The following NKTR variants were observed in gnomAD, a reference collection of about 807,000 sequenced individuals.
NKTR encodes natural killer cell triggering receptor, also known as NK-tumor recognition protein.
A neutral mutation model predicts 156.3 loss-of-function variants in NKTR; 67 were observed. The ratio of observed to expected loss-of-function variants is 0.43; its 90% CI spans 0.35 to 0.53. The LOEUF (loss-of-function observed/expected upper bound fraction) is 0.53, where lower values mean the gene tolerates loss of function less well. Ranked by LOEUF, NKTR falls within the 20% of genes least tolerant of loss-of-function variation. The pLI, the probability that NKTR is intolerant of heterozygous loss-of-function variation, is 0.01. For missense variants in NKTR, 1,604 were observed against 1,730.9 expected, an observed-to-expected ratio of 0.93 and a Z score of 1.30; for synonymous variants, 640 against 596.6, an observed-to-expected ratio of 1.07 and a Z score of -1.06.
At chr3:42,604,813 C>G (rs1344430267) in intron 2 of NKTR, among the ~76,000 whole-genome samples, 3 of 151,400 alleles carry the variant, frequency 2.0e-5, no homozygotes, top group South Asian at 4.2e-4. Flanking sequence ...CTCTGCCTCC[C>G]CAGTAGCTGG....
intron 2 of NKTR, among the ~76,000 whole-genome samples, chr3:42,616,858 C>CGA (rs1404376960): frequency 3.3e-5 from 5 of 152,168 alleles, no homozygotes; most frequent in Non-Finnish European, 7.3e-5. Context: ...ATCCTGGGCT[C>CGA]AAGTGAACCT....
At chr3:42,618,899 A>G (rs1707653671) in intron 3 of NKTR, 121 bp from the exon 4 acceptor site, 2 of 757,714 alleles carry the variant, frequency 2.6e-6, no homozygotes, top group South Asian at 2.0e-5. Flanking sequence ...TCTATTTCTT[A>G]TATCTCTTCC....
intron 5 of NKTR, 155 bp from the exon 6 acceptor site, chr3:42,621,274 T>G (rs1370265832): frequency 1.5e-6 from 2 of 1,327,208 alleles, no homozygotes; most frequent in Non-Finnish European, 1.9e-6. Flanking sequence ...TTTTGTTATT[T>G]GATTAGCTTA....
intron 13 of NKTR, 43 bp from the exon 14 acceptor site, chr3:42,642,458 G>A (rs1476287009): frequency 7.1e-7 from 1 of 1,408,548 alleles, no homozygotes; most frequent in South Asian, 1.2e-5. Context: ...ATATCATGAT[G>A]AGTCAACATA....
intron 6 of NKTR, chr3:42,627,374 T>C: frequency 1.0e-6 from 1 of 985,642 alleles, no homozygotes; most frequent in African/African-American, 1.7e-5. Context: ...GTGCATTTTA[T>C]TTTTCATGGT....
At chr3:42,614,354 T>C (rs1707143922) in intron 2 of NKTR, among the ~76,000 whole-genome samples, 1 of 152,024 alleles carries the variant, frequency 6.6e-6, no homozygotes, top group Non-Finnish European at 1.5e-5. Flanking sequence ...TTTTTTTATC[T>C]TCAATATGTT....
chr3:42,634,294 A>G (rs1459374656), intron 10 of NKTR, among the ~76,000 whole-genome samples: 2 of 152,306 alleles, frequency 1.3e-5, no homozygotes, highest in Admixed American at 1.3e-4. Context: ...TGTGTGTTAG[A>G]CTCAAGTTTA....
intron 16 of NKTR, among the ~76,000 whole-genome samples, chr3:42,644,411 T>C (rs897425752): frequency 4.6e-5 from 7 of 152,184 alleles, no homozygotes; most frequent in African/African-American, 1.7e-4. Flanking sequence ...GAGGTTTATA[T>C]GTTGTCAATT....
chr3:42,628,162 A>T, intron 6 of NKTR: 1 of 985,142 alleles, frequency 1.0e-6, no homozygotes. Flanking sequence ...TAATCCAATT[A>T]AAGTGCAGAC....
chr3:42,637,985 TC>T lies in NKTR; in HGVS notation c.2283del (p.Ser762ValfsTer34). 6.2e-7 allele frequency: 1 copy of T among 1,613,992 alleles called. No homozygotes were observed. Among genetic ancestry groups the T allele is most frequent in the East Asian group, 2.2e-5 (1 of 44,864 alleles). On this transcript the variant is annotated frameshift_variant, in exon 13 of 17. Coordinates refer to ENST00000232978, the MANE Select transcript of NKTR (RefSeq NM_005385.4). LOFTEE classifies it high-confidence loss of function. ...AAGGCGAGCTAAGAGGAGACTTAGA[TC>T]CAGTGGGAAAAAAAATAGCGTTTCA... ...DGRRAKRRLRSSGKKNSVSHK... is the reference protein window; with the variant it reads ...DGRRAKRRLRXSGKKNSVSHK...
At chr3:42,627,368 ATTTTATTTT>A in intron 6 of NKTR, 1 of 985,386 alleles carries the variant, frequency 1.0e-6, no homozygotes, top group Non-Finnish European at 1.2e-6. Flanking sequence ...AAACAAGTGC[ATTTTATTTT>A]TCATGGTTAA....
At chr3:42,630,264 G>A in intron 6 of NKTR, 8 of 1,178,820 alleles carry the variant, frequency 6.8e-6, no homozygotes, top group Non-Finnish European at 8.4e-6. Context: ...TTCATGCTGT[G>A]TATTTATGGC....
chr3:42,642,139 T>C (rs1709941472), intron 13 of NKTR, among the ~76,000 whole-genome samples: 1 of 152,244 alleles, frequency 6.6e-6, no homozygotes, highest in Non-Finnish European at 1.5e-5. Context: ...AACATGTAGC[T>C]GTAGTTCATT....
chr3:42,622,704 CA>C (rs1437999233), intron 6 of NKTR, among the ~76,000 whole-genome samples: 1 of 151,950 alleles, frequency 6.6e-6, no homozygotes, highest in African/African-American at 2.4e-5. Context: ...TCTTCTTTAA[CA>C]GAGTGATTTT....
At chr3:42,629,688 C>T in intron 6 of NKTR, 1 of 977,776 alleles carries the variant, frequency 1.0e-6, no homozygotes, top group Non-Finnish European at 1.2e-6. Context: ...AATTCTGAGA[C>T]TAATTATCTG....
At chr3:42,645,145 G>A (rs564154667) in intron 16 of NKTR, among the ~76,000 whole-genome samples, 3 of 150,890 alleles carry the variant, frequency 2.0e-5, no homozygotes, top group African/African-American at 7.3e-5. Context: ...CCCCATTTTG[G>A]TTTCCATTCC....
At position 42,639,354 on chromosome 3, in the gene NKTR, G is replaced by A. The variant is rs1709685033; in HGVS notation, c.3650G>A (p.Ser1217Asn). The A allele has an allele frequency of 7.4e-6, 12 of 1,614,164 alleles. No homozygotes were observed. Among genetic ancestry groups the A allele is most frequent in the Non-Finnish European group, 1.0e-5 (12 of 1,180,024 alleles). The change falls in exon 13 of 17, where the codon AGC becomes AAC. Residue 1217 changes from serine to asparagine, a missense_variant. Physicochemically the swap from Ser to Asn is conservative, Grantham distance 46. Coordinates refer to ENST00000232978, the MANE Select transcript of NKTR (RefSeq NM_005385.4). Reference protein sequence around the residue: ...STGKKEVAEKSQINLIDKKWK... With the variant: ...STGKKEVAEKNQINLIDKKWK... ...GGGAAGAAGGAGGTGGCTGAGAAGA[G>A]CCAGATCAACCTCATTGATAAGAAA...
intron 6 of NKTR, chr3:42,629,466 T>C: frequency 1.0e-6 from 1 of 961,522 alleles, no homozygotes; most frequent in Non-Finnish European, 1.2e-6. Flanking sequence ...TTTTTAGCAT[T>C]GTTACGAAGG....
At chr3:42,635,709 G>A (rs1709338588) in intron 12 of NKTR, among the ~76,000 whole-genome samples, 1 of 151,662 alleles carries the variant, frequency 6.6e-6, no homozygotes, top group Non-Finnish European at 1.5e-5. Context: ...CACGAGGTCA[G>A]GAGATTGGGA....
Sources: allele counts gnomAD v4.1 joint callset (sites outside exome capture counted in the v4.1 genomes callset), GRCh38; gene constraint gnomAD v4.1.1; transcripts MANE v1.5; gene names NCBI Gene and HGNC (gene_info 2026-07-23, HGNC 2026-07-21).